Variants in IFFO2 observed in about 807,000 individuals in gnomAD.
IFFO2 encodes intermediate filament family orphan 2.
A neutral mutation model predicts 53.5 loss-of-function variants in IFFO2; 19 were observed. The observed-to-expected ratio is 0.36, with a 90% CI of 0.25 to 0.52. The LOEUF is 0.52. Among genes scored for constraint, IFFO2 ranks in the 20% least tolerant of loss-of-function variants. The pLI is 0.94. For synonymous variants in IFFO2, 303 were observed against 313.6 expected, an observed-to-expected ratio of 0.97 and a Z score of 0.36; for missense variants, 570 against 727.4, an observed-to-expected ratio of 0.78 and a Z score of 2.49.
chr1:18,920,995 C>CTG, intron 2 of IFFO2, 66 bp downstream of exon 2: 1 of 1,397,330 alleles, frequency 7.2e-7, no homozygotes. Flanking sequence ...CGCATGAAGA[C>CTG]TGTGCCCCTT....
intron 8 of IFFO2, among the ~76,000 whole-genome samples, chr1:18,910,101 T>C (rs754613907): frequency 6.6e-6 from 1 of 152,142 alleles, no homozygotes; most frequent in African/African-American, 2.4e-5. Flanking sequence ...CAAGTATCTA[T>C]TGAATCAACA....
chr1:18,942,620 CG>C (rs904492322), intron 1 of IFFO2, among the ~76,000 whole-genome samples: 4 of 152,304 alleles, frequency 2.6e-5, no homozygotes, highest in Non-Finnish European at 4.4e-5. Flanking sequence ...GCCCAAATCA[CG>C]GGCCAACAGG....
rs1004690609 is a variant in IFFO2 at position 18,919,065 on chromosome 1, C to A, written c.823-563G>T. ...GAGCCATGCCAGGCTCAGTCACCCA[C>A]GTTCTGGCCCCTTCTGCCTTCTGGT... On this transcript the variant is annotated intron_variant, in intron 3 of 8. Transcript: ENST00000455833. The surrounding 1 kb of genome is among the most constrained non-coding windows in gnomAD (Gnocchi z 4.9). Among the ~76,000 whole-genome samples the A allele has an allele frequency of 6.6e-6, 1 of 152,144 alleles. No individual in the cohort carries two copies. The highest frequency in any genetic ancestry group is 1.5e-5 in the Non-Finnish European group (1 of 68,020).
At chr1:18,942,481 A>G (rs1391170224) in intron 1 of IFFO2, among the ~76,000 whole-genome samples, 1 of 152,190 alleles carries the variant, frequency 6.6e-6, no homozygotes, top group East Asian at 1.9e-4. Flanking sequence ...TGCAGGCAAC[A>G]TCAAATCCTC....
chr1:18,932,284 C>T (rs149402229), intron 1 of IFFO2, among the ~76,000 whole-genome samples: 7 of 152,378 alleles, frequency 4.6e-5, no homozygotes, highest in South Asian at 2.1e-4. Context: ...CTGTCACTGG[C>T]TCCAGGGTCT....
At chr1:18,914,515 T>C (rs1936102330) in intron 5 of IFFO2, among the ~76,000 whole-genome samples, 1 of 152,134 alleles carries the variant, frequency 6.6e-6, no homozygotes, top group African/African-American at 2.4e-5. Context: ...AACCACTGCT[T>C]CTTTCCAAAA....
intron 1 of IFFO2, among the ~76,000 whole-genome samples, chr1:18,945,848 C>A (rs1276406177): frequency 6.6e-6 from 1 of 152,246 alleles, no homozygotes; most frequent in African/African-American, 2.4e-5. Flanking sequence ...GCCATCCACG[C>A]AACATGACCA....
At chr1:18,914,294 C>T (rs535916005) in intron 5 of IFFO2, among the ~76,000 whole-genome samples, 1 of 152,302 alleles carries the variant, frequency 6.6e-6, no homozygotes, top group South Asian at 2.1e-4. Context: ...ATGGGGCCCC[C>T]TGGCTTCCAC....
chr1:18,906,701 CA>C lies in IFFO2; in HGVS notation c.*1859del, dbSNP rs1935953864. The C allele has an allele frequency of 6.6e-6, 1 of 152,192 alleles. No homozygotes were observed. The highest frequency in any genetic ancestry group is 1.5e-5 in the Non-Finnish European group (1 of 68,038). The allele number at this position is 152,192 out of a possible 1,614,324, so 9.4% of individuals were successfully genotyped here. A position where few individuals can be genotyped will look rare whatever the true frequency, so the allele number is the denominator to read the frequency against. Reference sequence around the variant, plus strand: ...GGAGAGAGAAGGGCCGTCTCTCTTCCAAAACCATTGTCCCTCCAAGTACCTG... The same window carrying C: ...GGAGAGAGAAGGGCCGTCTCTCTTCCAAACCATTGTCCCTCCAAGTACCTG... On this transcript the variant is annotated 3_prime_UTR_variant, in exon 9 of 9. Coordinates refer to ENST00000455833, the MANE Select transcript of IFFO2 (RefSeq NM_001136265.2).
rs564284996 is a variant in IFFO2 at position 18,909,731 on chromosome 1, G to A, written c.1448+611C>T. On this transcript the variant is annotated intron_variant, in intron 8 of 8. Coordinates refer to ENST00000455833, the MANE Select transcript of IFFO2 (RefSeq NM_001136265.2). Reference sequence around the variant, plus strand: ...CAGCCATGTGGAACGGTGAGTCAACGAAACCTCTTTCCTTTATAAATTACC... The same window carrying A: ...CAGCCATGTGGAACGGTGAGTCAACAAAACCTCTTTCCTTTATAAATTACC... Among the ~76,000 whole-genome samples, 10 of 152,238 alleles carry A rather than the reference G, an allele frequency of 6.6e-5. No homozygotes were observed. The East Asian group carries it at 1.5e-3, about 23-fold the overall frequency.
intron 6 of IFFO2, 26 bp from the exon 7 acceptor site, chr1:18,911,502 GTTTAT>G: frequency 2.3e-6 from 2 of 855,190 alleles, no homozygotes; most frequent in Non-Finnish European, 3.3e-6. Flanking sequence ...AAACGGGACA[GTTTAT>G]TTTATTTATT....
At chr1:18,911,923 C>T in intron 6 of IFFO2, 40 bp downstream of exon 6, 2 of 1,550,094 alleles carry the variant, frequency 1.3e-6, no homozygotes, top group South Asian at 1.2e-5. Context: ...TCCCCCAGAC[C>T]CCTAGTCCTG....
chr1:18,940,835 C>T (rs780087585), intron 1 of IFFO2, among the ~76,000 whole-genome samples: 7 of 152,300 alleles, frequency 4.6e-5, no homozygotes, highest in Middle Eastern at 3.4e-3. Context: ...ATACGCAACA[C>T]GTGCTCAAAG....
chr1:18,928,204 T>C lies in IFFO2; in HGVS notation c.666-7083A>G, dbSNP rs1467995219. 6.6e-6 allele frequency among the ~76,000 whole-genome samples: 1 copy of C among 151,872 alleles called. No individual in the cohort carries two copies. The highest frequency in any genetic ancestry group is 2.4e-5 in the African/African-American group (1 of 41,334). ...CCTGCCTGCCCCAAGCCCCACCCCCTGGGGACACCTGGCACCACCTCTTGT... is the reference window on the plus strand; with the variant it reads ...CCTGCCTGCCCCAAGCCCCACCCCCCGGGGACACCTGGCACCACCTCTTGT... On this transcript the variant is annotated intron_variant, in intron 1 of 8. Coordinates refer to ENST00000455833, the MANE Select transcript of IFFO2 (RefSeq NM_001136265.2). The surrounding 1 kb of genome is among the most constrained non-coding windows in gnomAD (Gnocchi z 4.9).
chr1:18,955,396 T>A (rs1381134602), intron 1 of IFFO2, among the ~76,000 whole-genome samples: 1 of 152,204 alleles, frequency 6.6e-6, no homozygotes, highest in Non-Finnish European at 1.5e-5. Context: ...TGAGATCGCA[T>A]AAAACACAGA....
chr1:18,934,761 T>G (rs1335665579), intron 1 of IFFO2, among the ~76,000 whole-genome samples: 1 of 152,208 alleles, frequency 6.6e-6, no homozygotes, highest in Non-Finnish European at 1.5e-5. Context: ...TGCGACCATA[T>G]GTGGTTTTCA....
intron 1 of IFFO2, among the ~76,000 whole-genome samples, chr1:18,946,820 G>A (rs1936594774): frequency 6.6e-6 from 1 of 152,166 alleles, no homozygotes; most frequent in African/African-American, 2.4e-5. Context: ...CCAACTCACA[G>A]GGTTATTACA....
intron 1 of IFFO2, among the ~76,000 whole-genome samples, chr1:18,935,196 G>C (rs1936432031): frequency 6.6e-6 from 1 of 152,158 alleles, no homozygotes; most frequent in South Asian, 2.1e-4. Context: ...TTGGGTGCAG[G>C]AAGACTCCGC....
At chr1:18,925,902 ATTGGT>A (rs1428675352) in intron 1 of IFFO2, among the ~76,000 whole-genome samples, 1 of 11,868 alleles carries the variant, frequency 8.4e-5, no homozygotes, top group African/African-American at 2.9e-4. Context: ...GATTGGATGG[ATTGGT>A]TGGATGGATG....
Sources: gnomAD v4.1 joint callset for allele counts (sites outside exome capture counted in the v4.1 genomes callset) on GRCh38, gnomAD v4.1.1 for gene constraint, Gnocchi (gnomAD v3.1) non-coding constraint, MANE v1.5 for transcripts, NCBI Gene and HGNC (gene_info 2026-07-23, HGNC 2026-07-21) for gene names.